Variants in MIPEP observed in about 807,000 individuals in gnomAD.
The protein encoded by MIPEP is mitochondrial intermediate peptidase.
A neutral mutation model predicts 90.3 loss-of-function variants in MIPEP; 79 were observed. The observed-to-expected ratio is 0.87, with a 90% CI of 0.73 to 1.05. The LOEUF (loss-of-function observed/expected upper bound fraction) is 1.05. MIPEP is among the 50% of genes least tolerant of loss of function. The pLI is 0.00. For missense variants in MIPEP, 940 were observed against 905.6 expected (o/e 1.04, Z -0.49); for synonymous variants, 334 against 315.8 (o/e 1.06, Z -0.61).
chr13:23,812,455 C>T (rs1053803341), intron 14 of MIPEP, among the ~76,000 whole-genome samples: 2 of 145,718 alleles, frequency 1.4e-5, no homozygotes, highest in Middle Eastern at 3.4e-3. Context: ...AGCTGAGCCA[C>T]GCTGGGTCCC....
intron 14 of MIPEP, among the ~76,000 whole-genome samples, chr13:23,818,914 G>A (rs1953274181): frequency 6.6e-6 from 1 of 152,140 alleles, no homozygotes; most frequent in Non-Finnish European, 1.5e-5. Flanking sequence ...AATCCGTTAA[G>A]GTCTGAAGAC....
chr13:23,740,603 A>G (rs1398658379), intron 18 of MIPEP, among the ~76,000 whole-genome samples: 1 of 152,180 alleles, frequency 6.6e-6, no homozygotes, highest in Admixed American at 6.5e-5. Flanking sequence ...AACTCTGTAG[A>G]CCCAGGATTT....
chr13:23,796,926 G>A (rs1019608068), intron 16 of MIPEP, among the ~76,000 whole-genome samples: 1 of 152,156 alleles, frequency 6.6e-6, no homozygotes, highest in African/African-American at 2.4e-5. Flanking sequence ...TCACTATTCT[G>A]TTACTTGGGA....
chr13:23,814,144 A>G (rs1170103421), intron 14 of MIPEP, among the ~76,000 whole-genome samples: 1 of 152,272 alleles, frequency 6.6e-6, no homozygotes, highest in African/African-American at 2.4e-5. Context: ...TTCAATTTCC[A>G]TAATTTCCAA....
chr13:23,876,663 A>G (rs1871085886), intron 4 of MIPEP, among the ~76,000 whole-genome samples: 2 of 151,722 alleles, frequency 1.3e-5, no homozygotes, highest in Admixed American at 6.6e-5. Context: ...ACTCTTTGTC[A>G]TATCAGAACC....
chr13:23,879,165 T>C, intron 4 of MIPEP, 103 bp downstream of exon 4: 4 of 718,558 alleles, frequency 5.6e-6, no homozygotes, highest in South Asian at 5.2e-5. Flanking sequence ...GGGAGGAACA[T>C]TCCAGACAAC....
rs183037389 is a variant in MIPEP at position 23,819,107 on chromosome 13, T to C, written c.1654-9183A>G. On this transcript the variant is annotated intron_variant, in intron 14 of 18. Transcript: ENST00000382172. ...ACCAGAACTAGCTAGGTTTATTCATTTCTTTTAATTCAACATCCACAGTAT... is the reference window on the plus strand; with the variant it reads ...ACCAGAACTAGCTAGGTTTATTCATCTCTTTTAATTCAACATCCACAGTAT... 3.9e-4 allele frequency among the ~76,000 whole-genome samples: 60 copies of C among 152,362 alleles called. No individual in the cohort carries two copies. In the East Asian group the frequency reaches 0.01, roughly 25 times the overall value.
chr13:23,790,698 G>C (rs1023497582), intron 16 of MIPEP, among the ~76,000 whole-genome samples: 2 of 152,172 alleles, frequency 1.3e-5, no homozygotes, highest in African/African-American at 4.8e-5. Flanking sequence ...ATGCTCTTAG[G>C]GGCCTCTGGA....
intron 15 of MIPEP, among the ~76,000 whole-genome samples, chr13:23,808,160 G>T (rs1339773564): frequency 6.6e-6 from 1 of 151,212 alleles, no homozygotes; most frequent in East Asian, 1.9e-4. Flanking sequence ...GTGCAGTGGC[G>T]CGATCTCGGC....
chr13:23,758,174 T>C (rs994099985), intron 17 of MIPEP, among the ~76,000 whole-genome samples: 2 of 152,126 alleles, frequency 1.3e-5, no homozygotes, highest in African/African-American at 4.8e-5. Context: ...ACTCCCGACC[T>C]GGGGTGCTCT....
chr13:23,754,876 C>T (rs912130960), intron 18 of MIPEP, among the ~76,000 whole-genome samples: 1 of 152,188 alleles, frequency 6.6e-6, no homozygotes, highest in African/African-American at 2.4e-5. Context: ...TCACTTTTGC[C>T]TGGGTCTGGA....
At chr13:23,774,767 G>A (rs1213531344) in intron 16 of MIPEP, among the ~76,000 whole-genome samples, 3 of 146,414 alleles carry the variant, frequency 2.0e-5, no homozygotes, top group African/African-American at 7.6e-5. Context: ...CAACCCTGCT[G>A]AACTGGTTTA....
At chr13:23,781,348 C>G (rs1952780198) in intron 16 of MIPEP, among the ~76,000 whole-genome samples, 2 of 152,090 alleles carry the variant, frequency 1.3e-5, no homozygotes, top group African/African-American at 4.8e-5. Context: ...CATATCCAGC[C>G]AAACTAAGCT....
Position 23,782,864 on chromosome 13 carries a change from G to C in MIPEP, c.1849-22647C>G, listed in dbSNP as rs529913339. 2.8e-4 allele frequency among the ~76,000 whole-genome samples: 42 copies of C among 152,242 alleles called. 1 individual carries two copies. In the South Asian group the frequency reaches 8.1e-3, roughly 29 times the overall value. On this transcript the variant is annotated intron_variant, in intron 16 of 18. Coordinates refer to ENST00000382172, the MANE Select transcript of MIPEP (RefSeq NM_005932.4). ...TAAACTAGAAAATCTAGAAGAAATG[G>C]ATAAATTCCTTGACACATACACTCT...
rs750997455 is a variant in MIPEP, at chr13:23,756,623, G to C, written c.1971-5C>G. ...CGATAGCGCTCCCCGGCAGCCCTGG[G>C]GAAGAGAGGTTCTGTTACAGACTCC... On this transcript the variant is annotated splice_region_variant and splice_polypyrimidine_tract_variant and intron_variant, in intron 17 of 18. Transcript: ENST00000382172. 6.2e-7 allele frequency: 1 copy of C among 1,612,114 alleles called. No homozygotes were observed. The highest frequency in any genetic ancestry group is 8.5e-7 in the Non-Finnish European group (1 of 1,179,906).
chr13:23,872,014 T>G (rs1303216106), intron 5 of MIPEP, among the ~76,000 whole-genome samples: 2 of 152,242 alleles, frequency 1.3e-5, no homozygotes, highest in African/African-American at 4.8e-5. Flanking sequence ...TTCAATGATC[T>G]GCCAGGCATA....
intron 16 of MIPEP, among the ~76,000 whole-genome samples, chr13:23,779,525 C>T (rs753530387): frequency 7.9e-5 from 12 of 152,218 alleles, no homozygotes; most frequent in African/African-American, 2.4e-4. Context: ...CAGCTCCCAG[C>T]GTGAGTGACG....
chr13:23,852,696 T>C (rs911896260), intron 10 of MIPEP, among the ~76,000 whole-genome samples: 1 of 152,228 alleles, frequency 6.6e-6, no homozygotes, highest in Non-Finnish European at 1.5e-5. Context: ...AACTACACTA[T>C]ACTTTCTATC....
intron 14 of MIPEP, among the ~76,000 whole-genome samples, chr13:23,822,209 G>C (rs1401607224): frequency 1.3e-5 from 2 of 152,170 alleles, no homozygotes; most frequent in Non-Finnish European, 2.9e-5. Context: ...ATTAACTACA[G>C]TGACCTAATG....
Sources: allele counts gnomAD v4.1 joint callset (sites outside exome capture counted in the v4.1 genomes callset), GRCh38; gene constraint gnomAD v4.1.1; transcripts MANE v1.5; gene names NCBI Gene and HGNC (gene_info 2026-07-23, HGNC 2026-07-21).